ECM1: variants seen among roughly 807,000 people sequenced by gnomAD.
ECM1 encodes secretory component p85.
Under a neutral mutation model 57.9 loss-of-function variants are expected in ECM1, and 54 were observed. That is an observed-to-expected ratio of 0.93 (90% confidence interval 0.75 to 1.17). The LOEUF is 1.17. ECM1 is among the 50% of genes most tolerant of loss of function. The pLI, the probability that ECM1 is intolerant of heterozygous loss-of-function variation, is 0.00. For missense variants in ECM1, 649 were observed against 688.1 expected (o/e 0.94, Z 0.64); for synonymous variants, 237 against 259.1 (o/e 0.91, Z 0.82).
intron 1 of ECM1, 134 bp from the exon 2 acceptor site, chr1:150,509,397 C>T: frequency 1.1e-6 from 1 of 901,080 alleles, no homozygotes; most frequent in South Asian, 1.4e-5. Flanking sequence ...GGACACGGGG[C>T]AGGTGAATAC....
chr1:150,509,238 A>C, intron 1 of ECM1: 1 of 504,060 alleles, frequency 2.0e-6, no homozygotes, highest in Non-Finnish European at 3.6e-6. Flanking sequence ...TGGCAGAGGA[A>C]ATGAGGGCCT....
intron 1 of ECM1, 45 bp downstream of exon 1, chr1:150,508,324 G>A (rs1290254084): frequency 1.9e-6 from 3 of 1,575,256 alleles, no homozygotes; most frequent in Non-Finnish European, 2.6e-6. Flanking sequence ...GGGCTTGCAT[G>A]GCAGGGGTCT....
chr1:150,508,307 G>A (rs1428827073), intron 1 of ECM1, 28 bp downstream of exon 1: 43 of 1,607,628 alleles, frequency 2.7e-5, no homozygotes, highest in Non-Finnish European at 3.6e-5. Context: ...CACTTAGGAG[G>A]GGGTCTGGGC....
Position 150,511,818 on chromosome 1 carries a change from G to C in ECM1, c.1070G>C (p.Cys357Ser), listed in dbSNP as rs1194206950. Residue 357 changes from cysteine to serine, a missense_variant, in exon 7 of 10, where the codon TGT (cysteine) becomes TCT (serine). By Grantham distance (112) the Cys-to-Ser change is moderately radical. Coordinates refer to ENST00000369047, the MANE Select transcript of ECM1 (RefSeq NM_004425.4). ...RCCRQGNNHTCTWKAWEDTLD... is the reference protein window; with the variant it reads ...RCCRQGNNHTSTWKAWEDTLD... ...TGCCGCCAGGGGAACAATCACACCT[G>C]TACATGGAAGGCCGTAAGTGGGCGT... 2 of 1,606,068 alleles carry C rather than the reference G, an allele frequency of 1.2e-6. No homozygotes were observed. The highest frequency in any genetic ancestry group is 1.1e-5 in the South Asian group (1 of 90,562).
chr1:150,510,823 C>A, intron 5 of ECM1, 53 bp from the exon 6 acceptor site: 2 of 1,582,514 alleles, frequency 1.3e-6, no homozygotes, highest in East Asian at 2.2e-5. Context: ...GCTCATCCAG[C>A]CTTTGTGGGT....
At chr1:150,508,908 C>T (rs1437150423) in intron 1 of ECM1, among the ~76,000 whole-genome samples, 1 of 152,182 alleles carries the variant, frequency 6.6e-6, no homozygotes, top group African/African-American at 2.4e-5. Flanking sequence ...TGCCATCATT[C>T]TTCCCAGCTC....
At position 150,513,248 on chromosome 1, in the gene ECM1, C is replaced by T. The variant is rs1670492278; in HGVS notation, c.1404C>T (p.Phe468=). The T allele has an allele frequency of 1.2e-6, 2 of 1,614,104 alleles. No individual in the cohort carries two copies. Among genetic ancestry groups the T allele is most frequent in the Admixed American group, 1.7e-5 (1 of 60,010 alleles). Residue 468 remains phenylalanine (F), a synonymous_variant, in exon 10 of 10, where the codon TTC becomes TTT. Coordinates refer to ENST00000369047, the MANE Select transcript of ECM1 (RefSeq NM_004425.4). ...ACCAEEEKLT[F]INDLCGPRRN... ...TTCTCATTCATCAGAAATTAACCTT[C>T]ATCAATGATCTGTGTGGTCCCCGAC...
In ECM1 at chr1:150,508,123, C is replaced by G; in HGVS notation, c.-87C>G. 7.9e-7 allele frequency: 1 copy of G among 1,269,256 alleles called. No homozygotes were observed. The highest frequency in any genetic ancestry group is 1.2e-5 in the South Asian group (1 of 84,044). The allele number at this position is 1,269,256 out of a possible 1,614,324, so 78.6% of individuals were successfully genotyped here. Reference sequence around the variant, plus strand: ...CTGAAGCTCACAACCGTAACAGCCACCAGACAAGCTTCAGTGGCCGGCCCT... The same window carrying G: ...CTGAAGCTCACAACCGTAACAGCCAGCAGACAAGCTTCAGTGGCCGGCCCT... On this transcript the variant is annotated 5_prime_UTR_variant, in exon 1 of 10. Transcript: ENST00000369047.
At position 150,510,953 on chromosome 1, in the gene ECM1, C is replaced by A; in HGVS notation, c.463C>A (p.Arg155=). ...TGCAGCCCAGCACTGCCAACAGGAC[C>A]GGTCCCAAGGGGGCTGGGGCCACCG... The part of the protein sequence containing the change: ...WNAAQHCQQD[R]SQGGWGHRLD... Residue 155 remains arginine (R), a synonymous_variant, in exon 6 of 10, where the codon CGG becomes AGG. Coordinates refer to ENST00000369047, the MANE Select transcript of ECM1 (RefSeq NM_004425.4). 6.2e-7 allele frequency: 1 copy of A among 1,614,192 alleles called. No homozygotes were observed. Among genetic ancestry groups the A allele is most frequent in the East Asian group, 2.2e-5 (1 of 44,890 alleles).
rs770055309 is a variant in ECM1 at position 150,513,210 on chromosome 1, ATC to A, written c.1393-25_1393-24del. 140 of 1,611,412 alleles carry A rather than the reference ATC, an allele frequency of 8.7e-5. No homozygotes were observed. In the African/African-American group the frequency reaches 1.7e-3, roughly 19 times the overall value. On this transcript the variant is annotated intron_variant, in intron 9 of 9. Coordinates refer to ENST00000369047, the MANE Select transcript of ECM1 (RefSeq NM_004425.4). ...CCTTGGACCACCTCCCCACCCCATC[ATC>A]TGTTTTACTTTTCTCATTCATCAGA... is the stretch of plus-strand genomic sequence containing the variant.
In ECM1 at chr1:150,509,599, C is replaced by A; in HGVS notation, c.121+18C>A. 1 of 1,614,100 alleles carries A rather than the reference C, an allele frequency of 6.2e-7. No individual in the cohort carries two copies. The highest frequency in any genetic ancestry group is 8.5e-7 in the Non-Finnish European group (1 of 1,180,014). Reference sequence around the variant, plus strand: ...TCAAGAAGGTAAGAGTTTGGGGGAGCAGCATGGGATTGGGACTCCAGGAGG... The same window carrying A: ...TCAAGAAGGTAAGAGTTTGGGGGAGAAGCATGGGATTGGGACTCCAGGAGG... On this transcript the variant is annotated intron_variant, in intron 2 of 9. Coordinates refer to ENST00000369047, the MANE Select transcript of ECM1 (RefSeq NM_004425.4).
At chr1:150,511,978 TTG>T (rs1209512482) in intron 7 of ECM1, 147 bp downstream of exon 7, 4 of 1,177,862 alleles carry the variant, frequency 3.4e-6, no homozygotes, top group African/African-American at 1.5e-5. Context: ...CGTCCATCCA[TTG>T]TGTTTGTCAC....
chr1:150,513,405 G>C lies in ECM1; in HGVS notation c.1561G>C (p.Gly521Arg), dbSNP rs768267204. 4 of 1,614,174 alleles carry C rather than the reference G, an allele frequency of 2.5e-6. No individual in the cohort carries two copies. In the Admixed American group the frequency reaches 6.7e-5, roughly 27 times the overall value. ...SGDTENAKGQ[G>R]EQGSTGGTNI... ...AGACACTGAGAACGCCAAGGGCCAG[G>C]GGGAGCAGGGCTCAACTGGAGGAAC... Residue 521 changes from glycine (G) to arginine (R), a missense_variant, in exon 10 of 10, where the codon GGG (glycine) becomes CGG (arginine). Gly to Arg is a moderately radical substitution (Grantham distance 125). Coordinates refer to ENST00000369047, the MANE Select transcript of ECM1 (RefSeq NM_004425.4).
rs150781054 is a variant in ECM1 at position 150,508,354 on chromosome 1, G to A, written c.70+75G>A. 251 of 1,360,054 alleles carry A rather than the reference G, an allele frequency of 1.8e-4. No homozygotes were observed. The African/African-American group carries it at 3.0e-3, about 16-fold the overall frequency. 84.2% of individuals were successfully genotyped at this position (1,360,054 alleles called of 1,614,324 possible). On this transcript the variant is annotated intron_variant, in intron 1 of 9. Transcript: ENST00000369047. Reference sequence around the variant, plus strand: ...GGGTCTGGGTCCAGGCATCCCAGACGGCTCATCACTAGCAGAGTGATTCTC... The same window carrying A: ...GGGTCTGGGTCCAGGCATCCCAGACAGCTCATCACTAGCAGAGTGATTCTC...
At position 150,511,662 on chromosome 1, in the gene ECM1, C is replaced by T. The variant is rs1280831670; in HGVS notation, c.914C>T (p.Thr305Ile). 1.9e-6 allele frequency: 3 copies of T among 1,614,190 alleles called. No individual in the cohort carries two copies. Among genetic ancestry groups the T allele is most frequent in the South Asian group, 1.1e-5 (1 of 91,080 alleles). The stretch of plus-strand genomic sequence containing the variant: ...CTGCCTTTCCCTCCTGGGGTGCCCA[C>T]ATTGGACAATATCAAGAACATCTGC... ...LELPFPPGVP[T>I]LDNIKNICHL... is the part of the protein sequence containing the mutation. The change falls in exon 7 of 10, where the codon ACA (threonine) becomes ATA (isoleucine). Residue 305 changes from threonine to isoleucine, a missense_variant. Transcript: ENST00000369047.
rs1234729807 is a variant in ECM1, at chr1:150,512,712, C to T, written c.1305-13C>T. The T allele has an allele frequency of 6.2e-7, 1 of 1,614,042 alleles. No individual in the cohort carries two copies. Among genetic ancestry groups the T allele is most frequent in the Admixed American group, 1.7e-5 (1 of 60,014 alleles). Reference sequence around the variant, plus strand: ...CAAAGACCCTAACCCCTGCCCCTTTCACACCAACATAGTAAACATATTCCT... The same window carrying T: ...CAAAGACCCTAACCCCTGCCCCTTTTACACCAACATAGTAAACATATTCCT... On this transcript the variant is annotated splice_polypyrimidine_tract_variant and intron_variant, in intron 8 of 9. Coordinates refer to ENST00000369047, the MANE Select transcript of ECM1 (RefSeq NM_004425.4).
At chr1:150,509,873 C>T in intron 3 of ECM1, 49 bp from the exon 4 acceptor site, 1 of 1,613,976 alleles carries the variant, frequency 6.2e-7, no homozygotes, top group Non-Finnish European at 8.5e-7. Context: ...CCACTCCCAG[C>T]CCTGGCTAGG....
At position 150,513,657 on chromosome 1, in the gene ECM1, G is replaced by C. The variant is rs191053640; in HGVS notation, c.*190G>C. 42 of 589,596 alleles carry C rather than the reference G, an allele frequency of 7.1e-5. No individual in the cohort carries two copies. The East Asian group carries it at 1.1e-3, about 16-fold the overall frequency. The allele number at this position is 589,596 out of a possible 1,614,324, so 36.5% of individuals were successfully genotyped here. ...CACTGGCGTTTTCAGACACACCACA[G>C]ACAAACACACCCTCCTAAGCCTGCT... On this transcript the variant is annotated 3_prime_UTR_variant, in exon 10 of 10. Transcript: ENST00000369047.
In ECM1 at chr1:150,511,832, G is replaced by A. The variant is rs372663638; in HGVS notation, c.1083+1G>A. On this transcript the variant is annotated splice_donor_variant, in intron 7 of 9. Transcript: ENST00000369047. LOFTEE classifies it high-confidence loss of function. Reference sequence around the variant, plus strand: ...CAATCACACCTGTACATGGAAGGCCGTAAGTGGGCGTCCCAGCCTCCCTGA... The same window carrying A: ...CAATCACACCTGTACATGGAAGGCCATAAGTGGGCGTCCCAGCCTCCCTGA... The A allele has an allele frequency of 1.1e-5, 18 of 1,597,824 alleles. No individual in the cohort carries two copies. Among genetic ancestry groups the A allele is most frequent in the Admixed American group, 3.4e-5 (2 of 58,712 alleles).
Sources: allele counts gnomAD v4.1 joint callset (sites outside exome capture counted in the v4.1 genomes callset), GRCh38; gene constraint gnomAD v4.1.1; transcripts MANE v1.5; gene names NCBI Gene and HGNC (gene_info 2026-07-23, HGNC 2026-07-21).